Variants in ZDHHC21 observed in about 807,000 individuals in gnomAD.
ZDHHC21 encodes the protein zDHHC palmitoyltransferase 21, also known as palmitoyltransferase ZDHHC21.
Under a neutral mutation model 34.6 loss-of-function variants are expected in ZDHHC21, and 15 were observed. The observed-to-expected ratio is 0.43, with a 90% CI of 0.29 to 0.67. ZDHHC21 has a LOEUF of 0.67. Among genes scored for constraint, ZDHHC21 ranks in the 30% least tolerant of loss-of-function variants. The probability of loss-of-function intolerance (pLI) is 0.14; values close to 1 mark genes in which losing one functional copy is unlikely to be tolerated. For missense variants in ZDHHC21, 344 were observed against 327.7 expected (o/e 1.05, Z -0.38); for synonymous variants, 142 against 101.8 (o/e 1.40, Z -2.38).
the ZDHHC21 span, chr9:14,594,252 G>C: frequency 6.6e-6 from 1 of 152,054 alleles, no homozygotes; most frequent in African/African-American, 2.4e-5. Context: ...AAATACAAAG[G>C]ACCTAAGATA....
chr9:14,675,891 T>C lies in ZDHHC21; in HGVS notation c.-45-1506A>G, dbSNP rs114076095. On this transcript the variant is annotated intron_variant, in intron 3 of 9. Transcript: ENST00000380916. ...AAGCAATGAAAAGTGACAAGAATAC[T>C]GCAAACAGAAGGAATAGGAGGAGCA... 5.1e-3 allele frequency among the ~76,000 whole-genome samples: 776 copies of C among 151,944 alleles called. 8 individuals are homozygous for C. The highest frequency in any genetic ancestry group is 0.018 in the African/African-American group (728 of 41,496).
intron 6 of ZDHHC21, among the ~76,000 whole-genome samples, chr9:14,661,931 A>G (rs1833471290): frequency 6.6e-6 from 1 of 152,182 alleles, no homozygotes. Context: ...TGTTTTATAT[A>G]CATTGCCTCA....
chr9:14,606,480 C>A (rs116718816), downstream of ZDHHC21, among the ~76,000 whole-genome samples: 2 of 152,234 alleles, frequency 1.3e-5, no homozygotes, highest in Admixed American at 1.3e-4. Context: ...TGCGAGTAAA[C>A]GAGGCTTCTG....
Position 14,639,683 on chromosome 9 carries a change from A to T in ZDHHC21, c.621+213T>A, listed in dbSNP as rs533674348. ...GTGATGTCTATAGTCATATAAAAAC[A>T]CTGTATTTGTTAGCTTTTAAAAACA... On this transcript the variant is annotated intron_variant, in intron 8 of 9. Coordinates refer to ENST00000380916, the MANE Select transcript of ZDHHC21 (RefSeq NM_178566.6). 2.5e-3 allele frequency among the ~76,000 whole-genome samples: 373 copies of T among 152,200 alleles called. 3 individuals are homozygous for T. The highest frequency in any genetic ancestry group is 8.7e-3 in the African/African-American group (361 of 41,574).
At chr9:14,646,860 T>C (rs549889936) in intron 7 of ZDHHC21, among the ~76,000 whole-genome samples, 17 of 152,304 alleles carry the variant, frequency 1.1e-4, no homozygotes, top group Non-Finnish European at 1.6e-4. Context: ...ATTTGTTGTT[T>C]TGTCTCTCTT....
intron 8 of ZDHHC21, among the ~76,000 whole-genome samples, chr9:14,622,133 C>CTA (rs1033119541): frequency 1.3e-5 from 2 of 152,026 alleles, no homozygotes; most frequent in African/African-American, 4.8e-5. Flanking sequence ...ATTTACACCT[C>CTA]GATTACAGTC....
intron 8 of ZDHHC21, among the ~76,000 whole-genome samples, chr9:14,626,207 A>G (rs1826178061): frequency 6.6e-6 from 1 of 151,992 alleles, no homozygotes; most frequent in Admixed American, 6.6e-5. Context: ...TCAGGGAATA[A>G]TAATATATCA....
chr9:14,658,344 G>A (rs1180186248), intron 7 of ZDHHC21, among the ~76,000 whole-genome samples: 1 of 149,856 alleles, frequency 6.7e-6, no homozygotes, highest in Non-Finnish European at 1.5e-5. Context: ...TTGGGAGTTT[G>A]CTTTTGTTGT....
chr9:14,650,921 C>T (rs1259474539), intron 7 of ZDHHC21, among the ~76,000 whole-genome samples: 2 of 151,892 alleles, frequency 1.3e-5, no homozygotes, highest in Non-Finnish European at 2.9e-5. Flanking sequence ...AGTTAGTATG[C>T]TTTTCCCCTT....
intron 7 of ZDHHC21, among the ~76,000 whole-genome samples, chr9:14,653,002 C>A (rs543225368): frequency 6.6e-6 from 1 of 151,962 alleles, no homozygotes; most frequent in Non-Finnish European, 1.5e-5. Flanking sequence ...TTGCTTCAGT[C>A]TGGCTGACAG....
At chr9:14,638,626 T>C (rs1828730816) in intron 8 of ZDHHC21, among the ~76,000 whole-genome samples, 1 of 151,792 alleles carries the variant, frequency 6.6e-6, no homozygotes, top group Non-Finnish European at 1.5e-5. Flanking sequence ...CTTGAACTTT[T>C]TGCTTGACAA....
At chr9:14,654,926 G>C (rs1242577714) in intron 7 of ZDHHC21, among the ~76,000 whole-genome samples, 3 of 151,916 alleles carry the variant, frequency 2.0e-5, no homozygotes, top group African/African-American at 7.2e-5. Context: ...AGAAAAAATT[G>C]AGCAGAGGTA....
At chr9:14,624,294 G>T (rs1489444547) in intron 8 of ZDHHC21, among the ~76,000 whole-genome samples, 15 of 151,960 alleles carry the variant, frequency 9.9e-5, no homozygotes, top group Admixed American at 8.5e-4. Context: ...ATATCCCTGT[G>T]GGGTCCAGAA....
At position 14,617,292 on chromosome 9, in the gene ZDHHC21, G is replaced by A. The variant is rs530328672; in HGVS notation, c.*1674C>T. ...GTACCAATAAATATGTTCGTCTGCT[G>A]TATTTCTGTTCGTATTTCTGAGTTT... On this transcript the variant is annotated 3_prime_UTR_variant, in exon 10 of 10. Transcript: ENST00000380916. The A allele has an allele frequency of 2.0e-5, 3 of 151,824 alleles. No individual in the cohort carries two copies. The highest frequency in any genetic ancestry group is 3.9e-4 in the East Asian group (2 of 5,156). The allele number at this position is 151,824 out of a possible 1,614,324, so 9.4% of individuals were successfully genotyped here.
At chr9:14,609,082 T>C (rs542162459), downstream of ZDHHC21, among the ~76,000 whole-genome samples, 32 of 115,726 alleles carry the variant, frequency 2.8e-4, no homozygotes, top group Admixed American at 5.6e-4. Context: ...TCCCCAATTG[T>C]TTCCTCCCCA....
the ZDHHC21 span, among the ~76,000 whole-genome samples, chr9:14,604,998 A>G: frequency 6.6e-6 from 1 of 152,146 alleles, no homozygotes; most frequent in Non-Finnish European, 1.5e-5. Flanking sequence ...TCACTTAGCA[A>G]AATGTTGTCA....
At chr9:14,691,172 C>G (rs146715844) in intron 1 of ZDHHC21, among the ~76,000 whole-genome samples, 3 of 152,318 alleles carry the variant, frequency 2.0e-5, no homozygotes, top group Admixed American at 6.5e-5. Context: ...AGACATTACT[C>G]AACTTCTCAA....
At chr9:14,625,965 T>C (rs1276898281) in intron 8 of ZDHHC21, among the ~76,000 whole-genome samples, 1 of 151,886 alleles carries the variant, frequency 6.6e-6, no homozygotes, top group Non-Finnish European at 1.5e-5. Flanking sequence ...ATACAGGAAA[T>C]AATTATATAG....
intron 7 of ZDHHC21, among the ~76,000 whole-genome samples, chr9:14,654,362 G>C (rs73644818): frequency 0.049 from 7,320 of 150,426 alleles, 584 homozygotes; most frequent in African/African-American, 0.17. Flanking sequence ...ACAAACCCCT[G>C]ATTGGATAAA....
Sources: gnomAD v4.1 joint callset for allele counts (sites outside exome capture counted in the v4.1 genomes callset) on GRCh38, gnomAD v4.1.1 for gene constraint, MANE v1.5 for transcripts, NCBI Gene and HGNC (gene_info 2026-07-23, HGNC 2026-07-21) for gene names.